The following GPR89A variants were observed in gnomAD, a reference collection of about 807,000 sequenced individuals.
The protein encoded by GPR89A is G protein-coupled receptor 89A.
In GPR89A, 16 loss-of-function variants were observed where a neutral mutation model predicts 52.0. The ratio of observed to expected loss-of-function variants is 0.31; its 90% CI spans 0.21 to 0.47. GPR89A has a LOEUF of 0.47. GPR89A is among the 20% of genes least tolerant of loss of function. GPR89A has a pLI of 1.00. For missense variants in GPR89A, 135 were observed against 449.4 expected (o/e 0.30, Z 6.33); for synonymous variants, 55 against 150.9 (o/e 0.36, Z 4.66).
intron 3 of GPR89A, among the ~76,000 whole-genome samples, chr1:145,620,239 A>T (rs1559026007): frequency 1.3e-5 from 2 of 152,190 alleles, no homozygotes; most frequent in Non-Finnish European, 2.9e-5. Flanking sequence ...GAAGGTTTCT[A>T]TCACAAGTAC....
intron 10 of GPR89A, among the ~76,000 whole-genome samples, chr1:145,651,155 G>C (rs1331710932): frequency 1.3e-5 from 2 of 151,422 alleles, no homozygotes; most frequent in African/African-American, 4.9e-5. Context: ...AATCCATCTT[G>C]AGTTAATTTT....
intron 7 of GPR89A, among the ~76,000 whole-genome samples, chr1:145,639,572 C>T (rs1650489659): frequency 1.3e-5 from 2 of 150,758 alleles, no homozygotes; most frequent in African/African-American, 4.9e-5. Context: ...TATGGCGAAA[C>T]CCCGTCTCTA....
At chr1:145,609,143 G>C (rs1310752013) in intron 1 of GPR89A, among the ~76,000 whole-genome samples, 1 of 152,092 alleles carries the variant, frequency 6.6e-6, no homozygotes, top group Non-Finnish European at 1.5e-5. Flanking sequence ...TAAAGATTTT[G>C]TGTGTGTGTG....
At chr1:145,620,626 T>C (rs587594079) in intron 3 of GPR89A, among the ~76,000 whole-genome samples, 1 of 149,352 alleles carries the variant, frequency 6.7e-6, no homozygotes, top group East Asian at 2.0e-4. Context: ...TATACCTGTT[T>C]TTTCATGCTA....
intron 10 of GPR89A, among the ~76,000 whole-genome samples, chr1:145,658,255 G>A (rs1180045063): frequency 1.3e-5 from 2 of 151,366 alleles, no homozygotes; most frequent in East Asian, 1.9e-4. Context: ...CTGAGCCACT[G>A]TACCCAGCCC....
At position 145,652,254 on chromosome 1, in the gene GPR89A, C is replaced by T. The variant is rs587715429; in HGVS notation, c.909+4987C>T. Among the ~76,000 whole-genome samples, 137 of 151,472 alleles carry T rather than the reference C, an allele frequency of 9.0e-4. 8 individuals carry two copies. The South Asian group carries it at 0.027, about 30-fold the overall frequency. ...CCTTTTCTGTGTCTATTGAGATAAT[C>T]ATGTGGTTTTTGTCATTGGTTCTGT... On this transcript the variant is annotated intron_variant, in intron 10 of 13. Coordinates refer to ENST00000313835, the MANE Select transcript of GPR89A (RefSeq NM_001097612.2).
intron 1 of GPR89A, among the ~76,000 whole-genome samples, chr1:145,609,057 C>T (rs1284397971): frequency 2.0e-5 from 3 of 152,196 alleles, no homozygotes; most frequent in African/African-American, 7.2e-5. Flanking sequence ...CAAGTGCAGG[C>T]ATTCAATAAA....
intron 8 of GPR89A, chr1:145,645,432 A>C (rs1199418747): frequency 2.7e-6 from 1 of 373,314 alleles, no homozygotes; most frequent in Non-Finnish European, 5.2e-6. Flanking sequence ...TACGGGTTTG[A>C]GCTGTGTTAG....
chr1:145,616,464 G>A (rs1553687044), intron 2 of GPR89A, among the ~76,000 whole-genome samples, 171 bp downstream of exon 2: 1 of 151,996 alleles, frequency 6.6e-6, no homozygotes, highest in African/African-American at 2.4e-5. Flanking sequence ...ATTTAAAAGG[G>A]GGGAAAAAAG....
At chr1:145,611,550 C>G (rs1327035088) in intron 1 of GPR89A, 1 of 152,046 alleles carries the variant, frequency 6.6e-6, no homozygotes, top group African/African-American at 2.4e-5. Flanking sequence ...TTAAGCTTTT[C>G]TTTTTCAATG....
chr1:145,611,479 T>C, intron 1 of GPR89A: 1 of 152,192 alleles, frequency 6.6e-6, no homozygotes, highest in East Asian at 1.9e-4. Context: ...TTGCTTAGGA[T>C]GATGGCCTCT....
At chr1:145,647,811 CT>C (rs1651115343) in intron 10 of GPR89A, among the ~76,000 whole-genome samples, 2 of 528 alleles carry the variant, frequency 3.8e-3, no homozygotes, top group Non-Finnish European at 0.053. Context: ...CTCTCTCTCT[CT>C]CTTCGTCGTC....
In GPR89A at chr1:145,608,190, C is replaced by G. The variant is rs782382633; in HGVS notation, c.42+15C>G. On this transcript the variant is annotated intron_variant, in intron 1 of 13. Coordinates refer to ENST00000313835, the MANE Select transcript of GPR89A (RefSeq NM_001097612.2). ...TTACCTCCCAGGTGAGTCACCGCCT[C>G]CCGCCCCGACACCCGTCCGCCTCCC... is the stretch of plus-strand genomic sequence containing the variant. 51 of 1,613,868 alleles carry G rather than the reference C, an allele frequency of 3.2e-5. 1 individual carries two copies. Among genetic ancestry groups the G allele is most frequent in the Non-Finnish European group, 4.2e-5 (49 of 1,179,836 alleles).
chr1:145,654,056 G>A (rs1273838402), intron 10 of GPR89A, among the ~76,000 whole-genome samples: 1 of 152,158 alleles, frequency 6.6e-6, no homozygotes, highest in Non-Finnish European at 1.5e-5. Context: ...GCTTCATAGT[G>A]TCATTGCTTT....
intron 3 of GPR89A, among the ~76,000 whole-genome samples, chr1:145,621,037 A>G (rs1419501730): frequency 5.3e-5 from 8 of 152,208 alleles, no homozygotes; most frequent in African/African-American, 1.4e-4. Context: ...TTGTTAACCT[A>G]GAGGAGCAAA....
chr1:145,652,855 T>G (rs1553693765), intron 10 of GPR89A, among the ~76,000 whole-genome samples: 1 of 148,928 alleles, frequency 6.7e-6, no homozygotes, highest in Non-Finnish European at 1.5e-5. Context: ...ATCATTTTTT[T>G]TGTGTCTGTT....
At chr1:145,645,774 A>C (rs1650942089) in intron 8 of GPR89A, 1 of 439,038 alleles carries the variant, frequency 2.3e-6, no homozygotes, top group Non-Finnish European at 4.5e-6. Context: ...CCTATATTAG[A>C]ACACAGTAAA....
chr1:145,662,021 A>G (rs1206050483), intron 10 of GPR89A, among the ~76,000 whole-genome samples: 1 of 152,112 alleles, frequency 6.6e-6, no homozygotes, highest in Non-Finnish European at 1.5e-5. Flanking sequence ...CTTTTAAATT[A>G]TTGACTTGTT....
intron 7 of GPR89A, among the ~76,000 whole-genome samples, chr1:145,637,030 G>C (rs1553690885): frequency 6.6e-6 from 1 of 152,162 alleles, no homozygotes; most frequent in East Asian, 1.9e-4. Context: ...ATTAAATAAT[G>C]TATTTCCACG....
Sources: allele counts gnomAD v4.1 joint callset (sites outside exome capture counted in the v4.1 genomes callset), GRCh38; gene constraint gnomAD v4.1.1; transcripts MANE v1.5; gene names NCBI Gene and HGNC (gene_info 2026-07-23, HGNC 2026-07-21).